The following HRH2 variants were observed in gnomAD, a reference collection of about 807,000 sequenced individuals.
The protein encoded by HRH2 is histamine receptor H2, also known as histamine H2 receptor.
In HRH2, 4 loss-of-function variants were observed where a neutral mutation model predicts 20.1. The ratio of observed to expected loss-of-function variants is 0.20; its 90% CI spans 0.10 to 0.45. HRH2 has a LOEUF of 0.45. Among genes scored for constraint, HRH2 ranks in the 20% least tolerant of loss-of-function variants. The pLI is 0.99. For synonymous variants in HRH2, 197 were observed against 200.7 expected (o/e 0.98, Z 0.16); for missense variants, 250 against 461.6 (o/e 0.54, Z 4.20).
rs1341119265 is a variant in HRH2 at position 175,681,875 on chromosome 5, T to C, written c.-525-834T>C. On this transcript the variant is annotated intron_variant, in intron 1 of 2. Transcript: ENST00000636584. This position sits in a 1 kb window ranked among gnomAD's most constrained non-coding sequence, Gnocchi z 4.3. ...TCTGCCAAGTAAGACCAGTAAGATT[T>C]AGAGATGCGTTCGGAGCAGGGGTGG... Among the ~76,000 whole-genome samples, 1 of 152,142 alleles carries C rather than the reference T, an allele frequency of 6.6e-6. No individual in the cohort carries two copies. Among genetic ancestry groups the C allele is most frequent in the Non-Finnish European group, 1.5e-5 (1 of 68,024 alleles).
intron 2 of HRH2, among the ~76,000 whole-genome samples, chr5:175,706,855 T>G (rs1561743948): frequency 1.3e-5 from 2 of 152,230 alleles, no homozygotes; most frequent in African/African-American, 4.8e-5. Flanking sequence ...GCTAAAGGCA[T>G]GACGGTTCCC....
Position 175,681,343 on chromosome 5 carries a change from G to T in HRH2, c.-525-1366G>T, listed in dbSNP as rs1755963322. Among the ~76,000 whole-genome samples, 1 of 152,212 alleles carries T rather than the reference G, an allele frequency of 6.6e-6. No homozygotes were observed. The highest frequency in any genetic ancestry group is 2.1e-4 in the South Asian group (1 of 4,830). ...GATTAAATGATGCTTCTCATATTCA[G>T]GTTGCAAACCGCTCCAGGCAAGAGC... On this transcript the variant is annotated intron_variant, in intron 1 of 2. Coordinates refer to ENST00000636584, the MANE Select transcript of HRH2 (RefSeq NM_001367711.1). This position sits in a 1 kb window ranked among gnomAD's most constrained non-coding sequence, Gnocchi z 4.3.
chr5:175,705,166 TTC>T (rs766377168), intron 2 of HRH2, among the ~76,000 whole-genome samples: 21 of 152,200 alleles, frequency 1.4e-4, no homozygotes, highest in Non-Finnish European at 2.2e-4. Context: ...CCAAACAGTG[TTC>T]TCATAGAAAT....
At chr5:175,700,411 A>C (rs1581465080) in intron 2 of HRH2, among the ~76,000 whole-genome samples, 1 of 152,206 alleles carries the variant, frequency 6.6e-6, no homozygotes, top group African/African-American at 2.4e-5. Flanking sequence ...TAGATGATGA[A>C]AGATCCAATG....
At chr5:175,692,187 T>G (rs1756406002) in intron 2 of HRH2, among the ~76,000 whole-genome samples, 1 of 152,256 alleles carries the variant, frequency 6.6e-6, no homozygotes, top group African/African-American at 2.4e-5. Context: ...GTGCTGCAAC[T>G]CTGCCCTTGT....
intron 2 of HRH2, among the ~76,000 whole-genome samples, chr5:175,699,108 A>G (rs1486933877): frequency 6.6e-6 from 1 of 152,192 alleles, no homozygotes; most frequent in Non-Finnish European, 1.5e-5. Context: ...AAGTGTGGGG[A>G]GAAGGCCGTG....
intron 2 of HRH2, among the ~76,000 whole-genome samples, chr5:175,697,243 C>A (rs889681257): frequency 6.6e-6 from 1 of 152,032 alleles, no homozygotes; most frequent in Non-Finnish European, 1.5e-5. Context: ...GCGGGCGGAT[C>A]ACGAGGTCAG....
intron 2 of HRH2, among the ~76,000 whole-genome samples, chr5:175,697,277 C>A (rs1475253145): frequency 4.6e-5 from 7 of 152,060 alleles, no homozygotes; most frequent in African/African-American, 1.7e-4. Context: ...TCCTGGCTAA[C>A]ACGGTGAAAC....
intron 1 of HRH2, among the ~76,000 whole-genome samples, chr5:175,663,577 G>C (rs573897260): frequency 2.6e-5 from 4 of 152,148 alleles, no homozygotes; most frequent in Non-Finnish European, 5.9e-5. Flanking sequence ...GGCCCTGCCC[G>C]TGCACTGTCT....
At chr5:175,702,096 G>A (rs971815834) in intron 2 of HRH2, among the ~76,000 whole-genome samples, 7 of 152,146 alleles carry the variant, frequency 4.6e-5, no homozygotes, top group Admixed American at 3.9e-4. Context: ...ACGGCATGGG[G>A]GGCAAGTAAG....
chr5:175,703,724 A>C (rs1756859665), intron 2 of HRH2, among the ~76,000 whole-genome samples: 1 of 152,174 alleles, frequency 6.6e-6, no homozygotes, highest in African/African-American at 2.4e-5. Flanking sequence ...GGAGATATTA[A>C]TACAGATGTT....
chr5:175,689,126 C>T (rs968959332), intron 2 of HRH2, among the ~76,000 whole-genome samples: 78 of 152,188 alleles, frequency 5.1e-4, no homozygotes, highest in African/African-American at 1.9e-3. Flanking sequence ...TCTGAATTTG[C>T]TCTCCTTCCG....
chr5:175,699,397 C>T (rs1217493552), intron 2 of HRH2, among the ~76,000 whole-genome samples: 2 of 152,166 alleles, frequency 1.3e-5, no homozygotes, highest in Non-Finnish European at 2.9e-5. Context: ...GGGCAGGAGC[C>T]ATCCCCTCTC....
At position 175,689,766 on chromosome 5, in the gene HRH2, G is replaced by GAACC. The variant is rs144827680; in HGVS notation, c.1076+5457_1076+5458insAACC. Among the ~76,000 whole-genome samples, 312 of 152,338 alleles carry GAACC rather than the reference G, an allele frequency of 2.0e-3. 2 individuals carry two copies. Among genetic ancestry groups the GAACC allele is most frequent in the African/African-American group, 7.1e-3 (295 of 41,574 alleles). On this transcript the variant is annotated intron_variant, in intron 2 of 2. Coordinates refer to ENST00000636584, the MANE Select transcript of HRH2 (RefSeq NM_001367711.1). ...ACCCCTCTCCAACTCCAGCACAGAT[G>GAACC]CGGGAAGGTGGTGCAACTTCTGCCC...
In HRH2 at chr5:175,682,985, C is replaced by G; in HGVS notation, c.-249C>G. 2.2e-6 allele frequency: 1 copy of G among 462,836 alleles called. No individual in the cohort carries two copies. Among genetic ancestry groups the G allele is most frequent in the Non-Finnish European group, 3.8e-6 (1 of 265,372 alleles). The allele number at this position is 462,836 out of a possible 1,614,324, so 28.7% of individuals were successfully genotyped here. ...CCTGGCTTCGAGGCCTTGCTTTTCTCTCTTCTTCATTCATATTCATTCCCA... is the reference window on the plus strand; with the variant it reads ...CCTGGCTTCGAGGCCTTGCTTTTCTGTCTTCTTCATTCATATTCATTCCCA... On this transcript the variant is annotated 5_prime_UTR_variant, in exon 2 of 3. Transcript: ENST00000636584.
At chr5:175,664,670 T>C (rs551405839) in intron 1 of HRH2, among the ~76,000 whole-genome samples, 34 of 152,098 alleles carry the variant, frequency 2.2e-4, no homozygotes, top group African/African-American at 8.2e-4. Flanking sequence ...TTTTTTTTTC[T>C]GTCACCCAAA....
intron 2 of HRH2, among the ~76,000 whole-genome samples, chr5:175,688,628 A>G (rs1756259340): frequency 6.6e-6 from 1 of 152,186 alleles, no homozygotes; most frequent in Admixed American, 6.5e-5. Flanking sequence ...TGAGTGGCAG[A>G]GCTAGGATTT....
At chr5:175,673,303 T>C (rs1755630346) in intron 1 of HRH2, among the ~76,000 whole-genome samples, 1 of 151,990 alleles carries the variant, frequency 6.6e-6, no homozygotes, top group South Asian at 2.1e-4. Flanking sequence ...GGGTTGGATG[T>C]CAGAGATGAA....
In HRH2 at chr5:175,683,730, A is replaced by G; in HGVS notation, c.497A>G (p.Lys166Arg). Residue 166 changes from lysine (K) to arginine (R), a missense_variant, in exon 2 of 3, where the codon AAG becomes AGG. Lys to Arg is a conservative substitution (Grantham distance 26). This residue lies in a region of HRH2 where 27 missense variants were observed against 28.6 expected (regional missense o/e 0.94). Transcript: ENST00000636584. ...LGWNSRNETS[K>R]GNHTTSKCKV... is the part of the protein sequence containing the mutation. The stretch of plus-strand genomic sequence containing the variant: ...TGGAACAGCAGGAACGAGACCAGCA[A>G]GGGCAATCATACCACCTCTAAGTGC... 6.2e-7 allele frequency: 1 copy of G among 1,614,184 alleles called. No homozygotes were observed. Among genetic ancestry groups the G allele is most frequent in the Non-Finnish European group, 8.5e-7 (1 of 1,180,040 alleles).
Sources: gnomAD v4.1 joint callset for allele counts (sites outside exome capture counted in the v4.1 genomes callset) on GRCh38, gnomAD v4.1.1 for gene constraint, gnomAD v4.1.1 regional missense constraint, Gnocchi (gnomAD v3.1) non-coding constraint, MANE v1.5 for transcripts, NCBI Gene and HGNC (gene_info 2026-07-23, HGNC 2026-07-21) for gene names.